SPINK2: variants seen among roughly 807,000 people sequenced by gnomAD.
The protein encoded by SPINK2 is serine protease inhibitor Kazal-type 2.
Under a neutral mutation model 13.5 loss-of-function variants are expected in SPINK2, and 8 were observed. The observed-to-expected ratio is 0.59, with a 90% CI of 0.35 to 1.07. The LOEUF (loss-of-function observed/expected upper bound fraction) is 1.07. SPINK2 is among the 50% of genes least tolerant of loss of function. The pLI, the probability that SPINK2 is intolerant of heterozygous loss-of-function variation, is 0.02. For synonymous variants in SPINK2, 76 were observed against 74.7 expected, an observed-to-expected ratio of 1.02 and a Z score of -0.09; for missense variants, 148 against 180.3, an observed-to-expected ratio of 0.82 and a Z score of 1.03.
chr4:56,820,655 T>TA (rs113104576), intron 1 of SPINK2, 76 bp from the exon 2 acceptor site: 22,074 of 1,202,352 alleles, frequency 0.018, 9 homozygotes, highest in South Asian at 0.03. Context: ...TTTTTTTTTT[T>TA]AAATGAAGTC....
At chr4:56,813,223 T>C (rs558660951) in intron 2 of SPINK2, among the ~76,000 whole-genome samples, 4 of 152,228 alleles carry the variant, frequency 2.6e-5, no homozygotes, top group Admixed American at 2.0e-4. Flanking sequence ...CTTGAGAGGC[T>C]GAGACAGGAG....
At chr4:56,819,504 G>C (rs769794418) in intron 2 of SPINK2, among the ~76,000 whole-genome samples, 1 of 152,162 alleles carries the variant, frequency 6.6e-6, no homozygotes, top group Non-Finnish European at 1.5e-5. Context: ...GAGGCCAGCC[G>C]GCTATAAGCC....
rs201815884 is a variant in SPINK2, at chr4:56,810,188, C to T, written c.360-4G>A. On this transcript the variant is annotated splice_region_variant and splice_polypyrimidine_tract_variant and intron_variant, in intron 3 of 3. Coordinates refer to ENST00000506738, the MANE Select transcript of SPINK2 (RefSeq NM_001271718.2). ...TTTAATATTATGACCACCTTCCCTGCAAATTGAACAATCATAGAAATACAT... is the reference window on the plus strand; with the variant it reads ...TTTAATATTATGACCACCTTCCCTGTAAATTGAACAATCATAGAAATACAT... The T allele has an allele frequency of 3.7e-6, 6 of 1,604,926 alleles. No individual in the cohort carries two copies. The East Asian group carries it at 1.1e-4, about 30-fold the overall frequency.
intron 2 of SPINK2, among the ~76,000 whole-genome samples, chr4:56,812,781 A>C (rs563810320): frequency 3.4e-4 from 51 of 152,220 alleles, no homozygotes; most frequent in African/African-American, 1.2e-3. Context: ...TTTCAATCTG[A>C]ACTTTTAAGG....
chr4:56,814,165 G>A (rs1352679474), intron 2 of SPINK2, among the ~76,000 whole-genome samples: 3 of 151,520 alleles, frequency 2.0e-5, no homozygotes, highest in East Asian at 1.9e-4. Flanking sequence ...CTTGTGATCC[G>A]CCAGCCTCAG....
chr4:56,811,784 G>T lies in SPINK2; in HGVS notation c.260C>A (p.Ser87Tyr). ...LFSKYRTPNC[S>Y]QYRLPGCPRH... ...GGGACATCCTGGTAATCTATACTGA[G>T]AGCAGTTTGGCTGGAAAAAAGAAAG... Residue 87 changes from serine (S) to tyrosine (Y), a missense_variant, in exon 3 of 4, where the codon TCT becomes TAT. Physicochemically the swap from Ser to Tyr is moderately radical, Grantham distance 144 (BLOSUM62 -2). Transcript: ENST00000506738. The T allele has an allele frequency of 6.2e-7, 1 of 1,605,710 alleles. No individual in the cohort carries two copies. The highest frequency in any genetic ancestry group is 1.1e-5 in the South Asian group (1 of 90,154).
rs114591157 is a variant in SPINK2 at position 56,821,683 on chromosome 4, C to A, written c.-21G>T. ...GCCATCCTCCTCCCGCGCCGGCTGT[C>A]TTGCCCCTGCGGTCTGTTACCTGCG... On this transcript the variant is annotated 5_prime_UTR_variant, in exon 1 of 4. Transcript: ENST00000506738. The A allele has an allele frequency of 4.6e-6, 7 of 1,509,672 alleles. No homozygotes were observed. Among genetic ancestry groups the A allele is most frequent in the Non-Finnish European group, 5.3e-6 (6 of 1,131,532 alleles). The allele number at this position is 1,509,672 out of a possible 1,614,324, so 93.5% of individuals were successfully genotyped here.
chr4:56,815,561 G>C lies in SPINK2; in HGVS notation c.250-3767C>G, dbSNP rs540657778. Among the ~76,000 whole-genome samples, 4 of 151,976 alleles carry C rather than the reference G, an allele frequency of 2.6e-5. No individual in the cohort carries two copies. The South Asian group carries it at 6.2e-4, about 24-fold the overall frequency. ...CTAAAAATGCAAAAATTAGCCAGGC[G>C]TGGTGGCAGGCACCTGTAATCCCAG... On this transcript the variant is annotated intron_variant, in intron 2 of 3. Transcript: ENST00000506738.
chr4:56,821,709 C>T (rs760200607), upstream of SPINK2: 2 of 1,409,898 alleles, frequency 1.4e-6, no homozygotes, highest in Admixed American at 3.2e-5. Flanking sequence ...GTTACCTGCG[C>T]CACTCGCAGG....
intron 2 of SPINK2, 73 bp downstream of exon 2, chr4:56,820,463 A>T: frequency 7.9e-7 from 1 of 1,270,334 alleles, no homozygotes; most frequent in Non-Finnish European, 1.1e-6. Context: ...CAGACCTGAA[A>T]GCCAGCCTCC....
chr4:56,816,338 T>C (rs1717445972), intron 2 of SPINK2, among the ~76,000 whole-genome samples: 1 of 151,876 alleles, frequency 6.6e-6, no homozygotes, highest in Admixed American at 6.6e-5. Context: ...CTGGCCAACA[T>C]GGTGAAACCT....
At chr4:56,815,422 T>A (rs1307902910) in intron 2 of SPINK2, among the ~76,000 whole-genome samples, 1 of 152,032 alleles carries the variant, frequency 6.6e-6, no homozygotes, top group African/African-American at 2.4e-5. Context: ...TATTCAAAGA[T>A]GACAGAGGGG....
At chr4:56,815,494 G>A (rs1717361144) in intron 2 of SPINK2, among the ~76,000 whole-genome samples, 1 of 152,168 alleles carries the variant, frequency 6.6e-6, no homozygotes, top group Non-Finnish European at 1.5e-5. Flanking sequence ...GAGGCCAGGA[G>A]TTCGAGATCA....
rs1283943291 is a variant in SPINK2, at chr4:56,811,716, C to A, written c.328G>T (p.Ala110Ser). 6.2e-7 allele frequency: 1 copy of A among 1,610,308 alleles called. No homozygotes were observed. Among genetic ancestry groups the A allele is most frequent in the Admixed American group, 1.7e-5 (1 of 59,850 alleles). The change falls in exon 3 of 4, where the codon GCC becomes TCC. Residue 110 changes from alanine to serine, a missense_variant. Ala to Ser is a moderately conservative substitution (Grantham distance 99, BLOSUM62 1). Transcript: ENST00000506738. ...TTCATGCACAGAGTACATTCATTGG[C>A]ATAAGTGGACATGTCACTGCCACAC... ...PVCGSDMSTYANECTLCMKIR... is the reference protein window; with the variant it reads ...PVCGSDMSTYSNECTLCMKIR...
At position 56,813,337 on chromosome 4, in the gene SPINK2, T is replaced by TAAAATA. The variant is rs148494006; in HGVS notation, c.250-1549_250-1544dup. 6.7e-3 allele frequency among the ~76,000 whole-genome samples: 1,016 copies of TAAAATA among 152,264 alleles called. 15 individuals are homozygous for TAAAATA. Among genetic ancestry groups the TAAAATA allele is most frequent in the African/African-American group, 0.022 (930 of 41,550 alleles). ...AAACTGTCTCAAAAAAATTACGAATTAAAATAATTCTTATAGAAGGATATG... is the reference window on the plus strand; with the variant it reads ...AAACTGTCTCAAAAAAATTACGAATTAAAATAAAAATAATTCTTATAGAAGGATATG... On this transcript the variant is annotated intron_variant, in intron 2 of 3. Transcript: ENST00000506738.
intron 2 of SPINK2, among the ~76,000 whole-genome samples, chr4:56,812,126 C>T (rs556847947): frequency 6.6e-6 from 1 of 151,168 alleles, no homozygotes; most frequent in African/African-American, 2.4e-5. Flanking sequence ...GAACTTCTGA[C>T]GTCATGATCC....
chr4:56,811,273 T>C (rs1201009436), intron 3 of SPINK2, among the ~76,000 whole-genome samples: 1 of 152,116 alleles, frequency 6.6e-6, no homozygotes, highest in Non-Finnish European at 1.5e-5. Flanking sequence ...CACCTTTGAT[T>C]CTTACATCCA....
chr4:56,819,623 T>C lies in SPINK2; in HGVS notation c.249+913A>G, dbSNP rs1391746695. 1.7e-4 allele frequency among the ~76,000 whole-genome samples: 26 copies of C among 150,204 alleles called. No homozygotes were observed. The East Asian group carries it at 1.8e-3, about 10-fold the overall frequency. ...GCTAGGACTTTTTTTTCTTTCTTTT[T>C]TTTTTTTTTTGAGATGAAGTCTCAC... On this transcript the variant is annotated intron_variant, in intron 2 of 3. Coordinates refer to ENST00000506738, the MANE Select transcript of SPINK2 (RefSeq NM_001271718.2).
chr4:56,810,040 A>T lies in SPINK2; in HGVS notation c.*99T>A. ...CAGAAAATGTGTGTTAACAAATCTC[A>T]TGTAAAGAAACACAGGAAAAGAGAA... On this transcript the variant is annotated 3_prime_UTR_variant, in exon 4 of 4. Coordinates refer to ENST00000506738, the MANE Select transcript of SPINK2 (RefSeq NM_001271718.2). 6.5e-7 allele frequency: 1 copy of T among 1,537,018 alleles called. No homozygotes were observed. The highest frequency in any genetic ancestry group is 1.2e-5 in the South Asian group (1 of 80,636).
Sources: allele counts gnomAD v4.1 joint callset (sites outside exome capture counted in the v4.1 genomes callset), GRCh38; gene constraint gnomAD v4.1.1; transcripts MANE v1.5; gene names NCBI Gene and HGNC (gene_info 2026-07-23, HGNC 2026-07-21).